Variants in OR56A4 observed in about 807,000 individuals in gnomAD.
OR56A4 encodes olfactory receptor 56A4.
Under a neutral mutation model 13.6 loss-of-function variants are expected in OR56A4, and 9 were observed. That is an observed-to-expected ratio of 0.66 (90% CI 0.40 to 1.15). The LOEUF is 1.15. Ranked by LOEUF, OR56A4 falls within the 50% of genes most tolerant of loss-of-function variation. OR56A4 has a pLI of 0.01. For missense variants in OR56A4, 380 were observed against 375.9 expected, an observed-to-expected ratio of 1.01 and a Z score of -0.09; for synonymous variants, 167 against 153.9, an observed-to-expected ratio of 1.08 and a Z score of -0.63.
At chr11:6,003,705 T>C (rs556270614) in intron 2 of OR56A4, among the ~76,000 whole-genome samples, 130 of 152,306 alleles carry the variant, frequency 8.5e-4, no homozygotes, top group African/African-American at 3.1e-3. Context: ...GAAATCCATT[T>C]TTTTTCCTTG....
In OR56A4 at chr11:6,002,264, C is replaced by G. The variant is rs199866327; in HGVS notation, c.729G>C (p.Thr243=). The G allele has an allele frequency of 1.7e-5, 28 of 1,614,130 alleles. No individual in the cohort carries two copies. The highest frequency in any genetic ancestry group is 2.3e-5 in the Non-Finnish European group (27 of 1,179,968). ...GGATGAGGATGAAGTGGGAACCACA[C>G]GTGCTCAAGGCCTTGGCCACAGCAC... ...AEGAVAKALS[T]CGSHFILILF... The change falls in exon 3 of 3, where the codon ACG becomes ACC. Residue 243 remains threonine, a synonymous_variant. Coordinates refer to ENST00000641156, the MANE Select transcript of OR56A4 (RefSeq NM_001005179.4).
intron 1 of OR56A4, among the ~76,000 whole-genome samples, chr11:6,006,715 T>A (rs1173859364): frequency 6.6e-6 from 1 of 152,226 alleles, no homozygotes; most frequent in Non-Finnish European, 1.5e-5. Context: ...ATGAAATGAC[T>A]TAGCCTCAGC....
rs1452296887 is a variant in OR56A4 at position 6,001,389 on chromosome 11, A to C, written c.*662T>G. ...CTTTATCAACCTCATTTACAAACCA[A>C]AAACTGAAGAAAGAAAATCTAAGTA... On this transcript the variant is annotated 3_prime_UTR_variant, in exon 3 of 3. Coordinates refer to ENST00000641156, the MANE Select transcript of OR56A4 (RefSeq NM_001005179.4). 1 of 152,318 alleles carries C rather than the reference A, an allele frequency of 6.6e-6. No homozygotes were observed. Among genetic ancestry groups the C allele is most frequent in the Non-Finnish European group, 1.5e-5 (1 of 68,106 alleles). 9.4% of individuals were successfully genotyped at this position (152,318 alleles called of 1,614,324 possible). A position where few individuals can be genotyped will look rare whatever the true frequency, so the allele number is the denominator to read the frequency against.
At chr11:6,003,874 A>G (rs1848237365) in intron 2 of OR56A4, among the ~76,000 whole-genome samples, 1 of 152,140 alleles carries the variant, frequency 6.6e-6, no homozygotes, top group African/African-American at 2.4e-5. Flanking sequence ...AAGTAAAATT[A>G]CCTATTCTTC....
In OR56A4 at chr11:6,002,412, T is replaced by A. The variant is rs1848221398; in HGVS notation, c.581A>T (p.Asp194Val). ...NLSVSKLSCD[D>V]ITFNQLYQFV... ...CTGGTAGAGCTGATTGAAAGTGATG[T>A]CATCACAAGAGAGTTTGGACACAGA... The change falls in exon 3 of 3, where the codon GAC becomes GTC. Residue 194 changes from aspartate (D) to valine (V), a missense_variant. Physicochemically the swap from Asp to Val is radical, Grantham distance 152. Coordinates refer to ENST00000641156, the MANE Select transcript of OR56A4 (RefSeq NM_001005179.4). 6.2e-7 allele frequency: 1 copy of A among 1,614,214 alleles called. No individual in the cohort carries two copies. Among genetic ancestry groups the A allele is most frequent in the Non-Finnish European group, 8.5e-7 (1 of 1,180,032 alleles).
In OR56A4 at chr11:6,002,302, T is replaced by C; in HGVS notation, c.691A>G (p.Ile231Val). Residue 231 changes from isoleucine to valine, a missense_variant, in exon 3 of 3, where the codon ATC becomes GTC. Transcript: ENST00000641156. ...TTGGCCACAGCACCCTCGGCCTTGA[T>C]CCTAAGCACAACTTTCAATATAAAA... ...YSFILKVVLR[I>V]KAEGAVAKAL... 1.9e-6 allele frequency: 3 copies of C among 1,614,186 alleles called. No homozygotes were observed. Among genetic ancestry groups the C allele is most frequent in the Non-Finnish European group, 2.5e-6 (3 of 1,180,028 alleles).
intron 1 of OR56A4, 130 bp from the exon 2 acceptor site, chr11:6,006,533 A>G (rs1250362649): frequency 1.3e-5 from 2 of 152,248 alleles, no homozygotes; most frequent in Non-Finnish European, 2.9e-5. Context: ...CAAAATGGCA[A>G]TGGAAGATTT....
chr11:6,006,182 G>A (rs921855574), intron 2 of OR56A4, 67 bp downstream of exon 2: 2 of 152,084 alleles, frequency 1.3e-5, no homozygotes, highest in African/African-American at 4.8e-5. Flanking sequence ...ATGTTCTTTT[G>A]GACTTCCAGT....
Position 6,001,930 on chromosome 11 carries a change from A to G in OR56A4, c.*121T>C. 1 of 970,894 alleles carries G rather than the reference A, an allele frequency of 1.0e-6. No homozygotes were observed. The highest frequency in any genetic ancestry group is 3.0e-5 in the Admixed American group (1 of 32,906). 60.1% of individuals were successfully genotyped at this position (970,894 alleles called of 1,614,324 possible). On this transcript the variant is annotated 3_prime_UTR_variant, in exon 3 of 3. Transcript: ENST00000641156. ...TGTTGCCTGAGATATTGAGAACAGA[A>G]GAATCCGAACTCAGGCAGGATTTAA...
chr11:6,003,686 C>A (rs544748809), intron 2 of OR56A4, among the ~76,000 whole-genome samples: 1 of 152,120 alleles, frequency 6.6e-6, no homozygotes, highest in Non-Finnish European at 1.5e-5. Flanking sequence ...CAGACAGTGG[C>A]CCCCACCTGA....
At chr11:6,003,464 G>T (rs1477159073) in intron 2 of OR56A4, among the ~76,000 whole-genome samples, 1 of 152,120 alleles carries the variant, frequency 6.6e-6, no homozygotes, top group East Asian at 1.9e-4. Context: ...CAAGTTTACA[G>T]GTGGGCCAAG....
chr11:6,004,745 TAA>T (rs1848244682), intron 2 of OR56A4, among the ~76,000 whole-genome samples: 1 of 152,206 alleles, frequency 6.6e-6, no homozygotes, highest in Non-Finnish European at 1.5e-5. Context: ...CAGATTGAAC[TAA>T]TTCACCTTAT....
In OR56A4 at chr11:6,001,915, G is replaced by A. The variant is rs1848215237; in HGVS notation, c.*136C>T. ...AATAAATGTGTTCATTGTTGCCTGA[G>A]ATATTGAGAACAGAAGAATCCGAAC... On this transcript the variant is annotated 3_prime_UTR_variant, in exon 3 of 3. Coordinates refer to ENST00000641156, the MANE Select transcript of OR56A4 (RefSeq NM_001005179.4). 2.6e-6 allele frequency: 2 copies of A among 775,332 alleles called. No individual in the cohort carries two copies. The highest frequency in any genetic ancestry group is 3.4e-5 in the Admixed American group (1 of 29,582). The allele number at this position is 775,332 out of a possible 1,614,324, so 48.0% of individuals were successfully genotyped here. A position where few individuals can be genotyped will look rare whatever the true frequency, so the allele number is the denominator to read the frequency against.
chr11:6,003,092 G>A (rs1468589305), intron 2 of OR56A4, 64 bp from the exon 3 acceptor site: 1 of 1,606,346 alleles, frequency 6.2e-7, no homozygotes, highest in African/African-American at 1.3e-5. Flanking sequence ...TAGAGTGTGG[G>A]TTTCCACTGA....
At chr11:6,006,713 A>C (rs1238028393) in intron 1 of OR56A4, among the ~76,000 whole-genome samples, 1 of 152,246 alleles carries the variant, frequency 6.6e-6, no homozygotes, top group Non-Finnish European at 1.5e-5. Flanking sequence ...CCATGAAATG[A>C]CTTAGCCTCA....
Position 6,002,306 on chromosome 11 carries a change from A to C in OR56A4, c.687T>G (p.Leu229=). 1 of 1,614,198 alleles carries C rather than the reference A, an allele frequency of 6.2e-7. No individual in the cohort carries two copies. Among genetic ancestry groups the C allele is most frequent in the South Asian group, 1.1e-5 (1 of 91,076 alleles). The change falls in exon 3 of 3, where the codon CTT becomes CTG. Residue 229 remains leucine (L), a synonymous_variant. Coordinates refer to ENST00000641156, the MANE Select transcript of OR56A4 (RefSeq NM_001005179.4). ...ISYSFILKVV[L]RIKAEGAVAK... is the part of the protein sequence containing the mutation. ...CCACAGCACCCTCGGCCTTGATCCT[A>C]AGCACAACTTTCAATATAAAAGAAT...
rs750393870 is a variant in OR56A4, at chr11:6,006,389, A to G, written c.-177T>C. On this transcript the variant is annotated 5_prime_UTR_variant, in exon 2 of 3. The change abolishes the stop of an existing upstream ORF in the 5' untranslated region. Coordinates refer to ENST00000641156, the MANE Select transcript of OR56A4 (RefSeq NM_001005179.4). Reference sequence around the variant, plus strand: ...CGATCTTCAGTATGCCAACTCCATCAGTTCATACCCTAGACTGATATTCAC... The same window carrying G: ...CGATCTTCAGTATGCCAACTCCATCGGTTCATACCCTAGACTGATATTCAC... 1.4e-4 allele frequency: 21 copies of G among 152,192 alleles called. No homozygotes were observed. Among genetic ancestry groups the G allele is most frequent in the Non-Finnish European group, 2.5e-4 (17 of 68,034 alleles). The allele number at this position is 152,192 out of a possible 1,614,324, so 9.4% of individuals were successfully genotyped here.
chr11:6,000,655 T>G lies in OR56A4; in HGVS notation c.*1396A>C, dbSNP rs1172457643. 1 of 151,778 alleles carries G rather than the reference T, an allele frequency of 6.6e-6. No individual in the cohort carries two copies. The highest frequency in any genetic ancestry group is 2.1e-4 in the South Asian group (1 of 4,808). 9.4% of individuals were successfully genotyped at this position (151,778 alleles called of 1,614,324 possible). ...AAAAAACCTGGTAGGAAAGATGGGG[T>G]TTGGCAAATGGTGATAATGGTAAAA... On this transcript the variant is annotated 3_prime_UTR_variant, in exon 3 of 3. Coordinates refer to ENST00000641156, the MANE Select transcript of OR56A4 (RefSeq NM_001005179.4).
intron 2 of OR56A4, 62 bp downstream of exon 2, chr11:6,006,187 T>G (rs967929840): frequency 1.3e-5 from 2 of 152,226 alleles, no homozygotes; most frequent in African/African-American, 4.8e-5. Context: ...CTTTTGGACT[T>G]CCAGTAGCAC....
Sources: gnomAD v4.1 joint callset for allele counts (sites outside exome capture counted in the v4.1 genomes callset) on GRCh38, gnomAD v4.1.1 for gene constraint, MANE v1.5 for transcripts, NCBI Gene and HGNC (gene_info 2026-07-23, HGNC 2026-07-21) for gene names.